NRG1: variants seen among roughly 807,000 people sequenced by gnomAD.
NRG1 encodes pro-neuregulin-1, membrane-bound isoform.
NRG1 carries 18 observed loss-of-function variants against 63.8 expected under a neutral mutation model. That is an observed-to-expected ratio of 0.28 (90% CI 0.19 to 0.42). NRG1 has a LOEUF of 0.42. Among genes scored for constraint, NRG1 ranks in the 10% least tolerant of loss-of-function variants. The pLI, the probability that NRG1 is intolerant of heterozygous loss-of-function variation, is 1.00. For missense variants in NRG1, 762 were observed against 814.7 expected, an observed-to-expected ratio of 0.94 and a Z score of 0.79; for synonymous variants, 302 against 301.3, an observed-to-expected ratio of 1.00 and a Z score of -0.02.
chr8:31,902,829 G>A (rs532785483), intron 1 of NRG1, among the ~76,000 whole-genome samples: 2 of 152,264 alleles, frequency 1.3e-5, no homozygotes, highest in South Asian at 4.1e-4. Flanking sequence ...ACATGGCCAT[G>A]TTATAGGTGA....
intron 1 of NRG1, among the ~76,000 whole-genome samples, chr8:31,750,233 C>A (rs1407296582): frequency 6.6e-6 from 1 of 151,884 alleles, no homozygotes; most frequent in Non-Finnish European, 1.5e-5. Flanking sequence ...TTTCTCCTGT[C>A]CCCTAGATCG....
intron 1 of NRG1, among the ~76,000 whole-genome samples, chr8:31,711,213 C>T (rs1299061941): frequency 6.6e-6 from 1 of 152,126 alleles, no homozygotes; most frequent in East Asian, 1.9e-4. Flanking sequence ...TCATCCCAAC[C>T]CTCAAATCTT....
At chr8:32,354,712 G>A (rs1377280565) in intron 1 of NRG1, among the ~76,000 whole-genome samples, 2 of 142,450 alleles carry the variant, frequency 1.4e-5, no homozygotes, top group Non-Finnish European at 3.0e-5. Context: ...CTTGTCTCTA[G>A]TAAATAAATA....
At chr8:32,420,987 G>C (rs887132618) in intron 1 of NRG1, among the ~76,000 whole-genome samples, 1 of 152,142 alleles carries the variant, frequency 6.6e-6, no homozygotes, top group Non-Finnish European at 1.5e-5. Flanking sequence ...CTTGTGAAGA[G>C]GGTGCCTGCT....
At chr8:32,586,508 C>T (rs868774239) in intron 1 of NRG1, among the ~76,000 whole-genome samples, 1 of 152,094 alleles carries the variant, frequency 6.6e-6, no homozygotes, top group South Asian at 2.1e-4. Flanking sequence ...ATTTGGTTTA[C>T]ATAGCTCATT....
chr8:31,680,542 G>A (rs1808225875), intron 1 of NRG1, among the ~76,000 whole-genome samples: 1 of 150,722 alleles, frequency 6.6e-6, no homozygotes, highest in East Asian at 2.0e-4. Flanking sequence ...GTCTATCATT[G>A]TTGGACATTT....
At position 32,091,005 on chromosome 8, in the gene NRG1, C is replaced by T. The variant is rs1009064934; in HGVS notation, c.37+451574C>T. 8.5e-5 allele frequency among the ~76,000 whole-genome samples: 13 copies of T among 152,264 alleles called. No homozygotes were observed. In the East Asian group the frequency reaches 1.5e-3, roughly 18 times the overall value. On this transcript the variant is annotated intron_variant, in intron 1 of 10. Coordinates refer to the NRG1 transcript ENST00000519301. The stretch of plus-strand genomic sequence containing the variant: ...TGTCAGATGAAGGAATTGGGCCGGG[C>T]GCGGTGGCTCACACCTGTAATCCCA...
intron 1 of NRG1, among the ~76,000 whole-genome samples, chr8:31,995,119 C>T (rs1451873849): frequency 6.6e-6 from 1 of 151,822 alleles, no homozygotes; most frequent in Non-Finnish European, 1.5e-5. Flanking sequence ...CTTTATATCC[C>T]CATAGAATTT....
intron 1 of NRG1, among the ~76,000 whole-genome samples, chr8:31,765,116 A>G (rs1292481702): frequency 2.0e-5 from 3 of 152,040 alleles, no homozygotes; most frequent in Non-Finnish European, 2.9e-5. Context: ...ACTGTTTTCA[A>G]TTTTGGTGTT....
chr8:32,548,782 G>C (rs967578792), exon 1 of NRG1: 14 of 1,588,626 alleles, frequency 8.8e-6, no homozygotes, highest in Non-Finnish European at 1.0e-5. Context: ...AAGGAGCGAG[G>C]CTCCGGCAAG....
chr8:31,790,652 C>T (rs1820610291), intron 1 of NRG1, among the ~76,000 whole-genome samples: 1 of 152,196 alleles, frequency 6.6e-6, no homozygotes, highest in Non-Finnish European at 1.5e-5. Context: ...GATTTCAACA[C>T]ATGACTTCAT....
chr8:32,097,159 C>A (rs1349531272), intron 1 of NRG1, among the ~76,000 whole-genome samples: 2 of 152,152 alleles, frequency 1.3e-5, no homozygotes, highest in African/African-American at 4.8e-5. Context: ...ATCTATGTTG[C>A]TGCAAATGAC....
chr8:31,962,021 T>C (rs1805547754), intron 1 of NRG1, among the ~76,000 whole-genome samples: 1 of 152,208 alleles, frequency 6.6e-6, no homozygotes, highest in Admixed American at 6.5e-5. Context: ...CAGATCTTTT[T>C]TGGTGTGTCT....
At chr8:32,258,348 A>G (rs778644657) in intron 1 of NRG1, among the ~76,000 whole-genome samples, 22 of 152,230 alleles carry the variant, frequency 1.4e-4, no homozygotes, top group Non-Finnish European at 3.1e-4. Flanking sequence ...AGTGTTTATT[A>G]TATGACAGAG....
intron 8 of NRG1, among the ~76,000 whole-genome samples, chr8:32,755,615 G>A (rs1350529057): frequency 6.6e-6 from 1 of 152,100 alleles, no homozygotes; most frequent in Non-Finnish European, 1.5e-5. Context: ...GGCAAAATAT[G>A]TCCACATTCT....
intron 1 of NRG1, among the ~76,000 whole-genome samples, chr8:31,755,221 T>C (rs1404302741): frequency 6.6e-6 from 1 of 152,140 alleles, no homozygotes; most frequent in Admixed American, 6.6e-5. Flanking sequence ...ACCATAGATT[T>C]TCTTTCTTGT....
intron 1 of NRG1, among the ~76,000 whole-genome samples, chr8:31,807,759 G>T (rs1822429396): frequency 6.6e-6 from 1 of 151,980 alleles, no homozygotes. Context: ...TCAGACCCTG[G>T]CTTCCCCCCA....
At chr8:32,630,614 A>G (rs1220529192) in intron 5 of NRG1, among the ~76,000 whole-genome samples, 1 of 152,222 alleles carries the variant, frequency 6.6e-6, no homozygotes, top group African/African-American at 2.4e-5. Flanking sequence ...GCAGACTGCA[A>G]CCATAGCTTT....
At chr8:32,490,128 A>AC (rs963839623) in intron 1 of NRG1, among the ~76,000 whole-genome samples, 5 of 152,240 alleles carry the variant, frequency 3.3e-5, no homozygotes, top group African/African-American at 1.2e-4. Flanking sequence ...ACATAGTGAG[A>AC]CCCCATCTCT....
Sources: allele counts gnomAD v4.1 joint callset (sites outside exome capture counted in the v4.1 genomes callset), GRCh38; gene constraint gnomAD v4.1.1; transcripts MANE v1.5; gene names NCBI Gene and HGNC (gene_info 2026-07-23, HGNC 2026-07-21).